The following SLC12A8 variants were observed in gnomAD, a reference collection of about 807,000 sequenced individuals.
The protein encoded by SLC12A8 is solute carrier family 12 member 8.
A neutral mutation model predicts 75.6 loss-of-function variants in SLC12A8; 69 were observed. That is an observed-to-expected ratio of 0.91 (90% CI 0.75 to 1.11). The LOEUF is 1.11. Among genes scored for constraint, SLC12A8 ranks in the 50% most tolerant of loss-of-function variants. The probability of loss-of-function intolerance (pLI) is 0.00; values close to 1 mark genes in which losing one functional copy is unlikely to be tolerated. For missense variants in SLC12A8, 877 were observed against 896.7 expected, an observed-to-expected ratio of 0.98 and a Z score of 0.28; for synonymous variants, 365 against 372.8, an observed-to-expected ratio of 0.98 and a Z score of 0.24.
intron 2 of SLC12A8, among the ~76,000 whole-genome samples, chr3:125,210,929 A>G (rs1935325522): frequency 6.6e-6 from 1 of 152,230 alleles, no homozygotes; most frequent in Non-Finnish European, 1.5e-5. Flanking sequence ...GCTTCAGAAC[A>G]TAAGAGTTTT....
chr3:125,197,553 G>A (rs147717489), intron 2 of SLC12A8, among the ~76,000 whole-genome samples: 3 of 152,296 alleles, frequency 2.0e-5, no homozygotes, highest in Non-Finnish European at 4.4e-5. Flanking sequence ...CAGCCCTGCA[G>A]AGTGCTGGGA....
chr3:125,098,805 G>A (rs1347928605), intron 10 of SLC12A8, among the ~76,000 whole-genome samples: 1 of 152,196 alleles, frequency 6.6e-6, no homozygotes, highest in Admixed American at 6.5e-5. Flanking sequence ...GAGGGGCAAA[G>A]TTGATTTGAA....
At chr3:125,124,922 G>T (rs989639926) in intron 6 of SLC12A8, among the ~76,000 whole-genome samples, 5 of 152,102 alleles carry the variant, frequency 3.3e-5, no homozygotes, top group Non-Finnish European at 7.4e-5. Flanking sequence ...ATTTCCCAGA[G>T]CATTAGTGCC....
intron 4 of SLC12A8, 58 bp from the exon 5 acceptor site, chr3:125,178,032 C>G (rs1375376451): frequency 3.6e-6 from 5 of 1,388,426 alleles, no homozygotes; most frequent in Non-Finnish European, 5.0e-6. Context: ...GGCCCATGGG[C>G]AGAACCGCCC....
chr3:125,153,217 T>C (rs1362813154), intron 5 of SLC12A8, among the ~76,000 whole-genome samples: 2 of 152,134 alleles, frequency 1.3e-5, no homozygotes, highest in East Asian at 1.9e-4. Flanking sequence ...GAGCCAACCA[T>C]GTGCCCGGTA....
intron 8 of SLC12A8, among the ~76,000 whole-genome samples, chr3:125,111,658 G>C (rs1939191244): frequency 6.6e-6 from 1 of 152,118 alleles, no homozygotes; most frequent in South Asian, 2.1e-4. Flanking sequence ...TTACTTCCTT[G>C]CATCAGCAAA....
chr3:125,132,880 T>TAA, intron 6 of SLC12A8, among the ~76,000 whole-genome samples: 1 of 152,152 alleles, frequency 6.6e-6, no homozygotes, highest in South Asian at 2.1e-4. Context: ...GATGCACCTA[T>TAA]AAAGGCAAGT....
intron 2 of SLC12A8, among the ~76,000 whole-genome samples, chr3:125,193,095 G>A (rs893549886): frequency 2.0e-5 from 3 of 152,212 alleles, no homozygotes; most frequent in South Asian, 2.1e-4. Flanking sequence ...GGGGCTGGGC[G>A]CAGTGGCTCA....
intron 5 of SLC12A8, among the ~76,000 whole-genome samples, chr3:125,165,177 T>C (rs1402263057): frequency 6.6e-6 from 1 of 152,156 alleles, no homozygotes; most frequent in Non-Finnish European, 1.5e-5. Context: ...CCATGCTGTG[T>C]AGCATCACCC....
rs867891991 is a variant in SLC12A8, at chr3:125,088,340, C to A, written c.1952G>T (p.Trp651Leu). The change falls in exon 13 of 14, where the codon TGG (tryptophan) becomes TTG (leucine). Residue 651 changes from tryptophan (W) to leucine (L), a missense_variant. Coordinates refer to ENST00000469902, the MANE Select transcript of SLC12A8 (RefSeq NM_024628.6). ...GSASNFSFFR[W>L]MRSLLLPSCR... ...GGAGGGGAGCAAGAGAGACCTCATC[C>A]ACCGGAAAAAGCTGAAGTTGGAGGC... is the stretch of plus-strand genomic sequence containing the variant. The A allele has an allele frequency of 4.3e-6, 7 of 1,614,132 alleles. No homozygotes were observed. Among genetic ancestry groups the A allele is most frequent in the Non-Finnish European group, 5.9e-6 (7 of 1,180,018 alleles).
At chr3:125,094,816 C>A (rs1938673187) in intron 10 of SLC12A8, among the ~76,000 whole-genome samples, 1 of 152,240 alleles carries the variant, frequency 6.6e-6, no homozygotes, top group Non-Finnish European at 1.5e-5. Flanking sequence ...TAAAACTACT[C>A]TTACCAAAGT....
intron 5 of SLC12A8, among the ~76,000 whole-genome samples, chr3:125,150,954 A>G (rs1428997512): frequency 6.6e-6 from 1 of 152,158 alleles, no homozygotes; most frequent in Non-Finnish European, 1.5e-5. Flanking sequence ...GCCTCAGGCT[A>G]TTAGGAAACG....
intron 5 of SLC12A8, among the ~76,000 whole-genome samples, chr3:125,168,147 T>C (rs1442359733): frequency 6.6e-6 from 1 of 152,144 alleles, no homozygotes; most frequent in Non-Finnish European, 1.5e-5. Context: ...ACAGAGGAAA[T>C]GACATGTGCT....
chr3:125,195,051 T>G (rs1018050645), intron 2 of SLC12A8, among the ~76,000 whole-genome samples: 12 of 151,622 alleles, frequency 7.9e-5, no homozygotes, highest in African/African-American at 2.7e-4. Context: ...CTCAGGGGGG[T>G]TTTGTAAAGT....
At chr3:125,115,802 T>C (rs1331918016) in intron 8 of SLC12A8, among the ~76,000 whole-genome samples, 2 of 150,966 alleles carry the variant, frequency 1.3e-5, no homozygotes, top group Non-Finnish European at 2.9e-5. Flanking sequence ...CCTGTCTCAG[T>C]GTCCAGAGGT....
intron 12 of SLC12A8, among the ~76,000 whole-genome samples, chr3:125,088,693 T>G (rs1938519312): frequency 6.6e-6 from 1 of 152,198 alleles, no homozygotes; most frequent in African/African-American, 2.4e-5. Context: ...CTTTGATAAA[T>G]TTTTTAAGAT....
At chr3:125,130,703 A>T (rs1297155760) in intron 6 of SLC12A8, among the ~76,000 whole-genome samples, 2 of 152,238 alleles carry the variant, frequency 1.3e-5, no homozygotes, top group Non-Finnish European at 2.9e-5. Flanking sequence ...ACTCTGGGCT[A>T]CTGGGTGGCA....
At chr3:125,173,661 A>G (rs994233837) in intron 5 of SLC12A8, among the ~76,000 whole-genome samples, 12 of 152,218 alleles carry the variant, frequency 7.9e-5, no homozygotes, top group African/African-American at 2.9e-4. Flanking sequence ...GATAGACTCC[A>G]TTACAGTTTA....
At chr3:125,165,019 C>T (rs1934255764) in intron 5 of SLC12A8, among the ~76,000 whole-genome samples, 1 of 152,224 alleles carries the variant, frequency 6.6e-6, no homozygotes. Context: ...TCTGCTGGGC[C>T]AGGAAGGTGG....
Sources: allele counts gnomAD v4.1 joint callset (sites outside exome capture counted in the v4.1 genomes callset), GRCh38; gene constraint gnomAD v4.1.1; transcripts MANE v1.5; gene names NCBI Gene and HGNC (gene_info 2026-07-23, HGNC 2026-07-21).